NUDCD3: variants seen among roughly 807,000 people sequenced by gnomAD.
The protein encoded by NUDCD3 is nudC domain-containing protein 3.
NUDCD3 carries 13 observed loss-of-function variants against 39.7 expected under a neutral mutation model. The observed-to-expected ratio is 0.33, with a 90% confidence interval of 0.21 to 0.52. The LOEUF is 0.52. Among genes scored for constraint, NUDCD3 ranks in the 20% least tolerant of loss-of-function variants. The pLI, the probability that NUDCD3 is intolerant of heterozygous loss-of-function variation, is 0.96. For missense variants in NUDCD3, 453 were observed against 458.1 expected (o/e 0.99, Z 0.10); for synonymous variants, 175 against 172.4 (o/e 1.02, Z -0.12).
intron 3 of NUDCD3, 85 bp from the exon 4 acceptor site, chr7:44,404,668 G>C (rs1028167662): frequency 1.4e-6 from 2 of 1,452,126 alleles, no homozygotes; most frequent in Non-Finnish European, 1.9e-6. Context: ...TGGTTTCCAA[G>C]GTACCTGACT....
At chr7:44,387,145 C>T (rs1798415729) in intron 5 of NUDCD3, among the ~76,000 whole-genome samples, 1 of 152,158 alleles carries the variant, frequency 6.6e-6, no homozygotes, top group Non-Finnish European at 1.5e-5. Context: ...ATCTTCCTAA[C>T]AAGAGGGTTT....
intron 2 of NUDCD3, among the ~76,000 whole-genome samples, chr7:44,431,668 CTT>C (rs755819096): frequency 7.7e-4 from 93 of 120,820 alleles, no homozygotes; most frequent in African/African-American, 2.6e-3. Context: ...TCTCTCCTTC[CTT>C]TTTTTTTTTT....
intron 2 of NUDCD3, among the ~76,000 whole-genome samples, chr7:44,430,457 T>C (rs1022230739): frequency 6.6e-6 from 1 of 152,154 alleles, no homozygotes; most frequent in South Asian, 2.1e-4. Context: ...CAGCTACCTT[T>C]ATGGCTGGAA....
intron 2 of NUDCD3, among the ~76,000 whole-genome samples, chr7:44,466,759 A>C (rs1472245861): frequency 6.6e-6 from 1 of 152,228 alleles, no homozygotes; most frequent in East Asian, 1.9e-4. Flanking sequence ...GGGAAGCTCT[A>C]GCAGCAGCAG....
intron 4 of NUDCD3, 69 bp downstream of exon 4, chr7:44,404,371 G>C: frequency 6.7e-7 from 1 of 1,491,372 alleles, no homozygotes; most frequent in Non-Finnish European, 9.3e-7. Flanking sequence ...TAGGCTTGTT[G>C]GTCAAAAGGG....
intron 2 of NUDCD3, among the ~76,000 whole-genome samples, chr7:44,437,439 T>C (rs1242832393): frequency 6.6e-6 from 1 of 152,214 alleles, no homozygotes; most frequent in African/African-American, 2.4e-5. Context: ...GAAGTTCGTC[T>C]ATGTTGATGT....
intron 3 of NUDCD3, among the ~76,000 whole-genome samples, chr7:44,412,796 A>G (rs1428536104): frequency 1.3e-5 from 2 of 152,064 alleles, no homozygotes; most frequent in East Asian, 3.9e-4. Flanking sequence ...GCGTAGTGGC[A>G]GGCGCCTGTA....
At chr7:44,406,373 C>T (rs1480668933) in intron 3 of NUDCD3, among the ~76,000 whole-genome samples, 1 of 152,226 alleles carries the variant, frequency 6.6e-6, no homozygotes, top group African/African-American at 2.4e-5. Flanking sequence ...TACCTTCTAA[C>T]ACCATGAGGA....
At chr7:44,442,408 T>G (rs890451038) in intron 2 of NUDCD3, among the ~76,000 whole-genome samples, 1 of 152,106 alleles carries the variant, frequency 6.6e-6, no homozygotes, top group Non-Finnish European at 1.5e-5. Flanking sequence ...CAGGGGCTGT[T>G]TGGGGGCACC....
chr7:44,490,232 G>A (rs1474923368), intron 1 of NUDCD3, 177 bp downstream of exon 1: 1 of 631,726 alleles, frequency 1.6e-6, no homozygotes, highest in Non-Finnish European at 2.6e-6. Context: ...GAACACCTCA[G>A]CGGAATAAGC....
At chr7:44,432,807 G>C (rs1476682488) in intron 2 of NUDCD3, among the ~76,000 whole-genome samples, 1 of 152,168 alleles carries the variant, frequency 6.6e-6, no homozygotes, top group Non-Finnish European at 1.5e-5. Context: ...CATTATCCCA[G>C]GTGTAAGAGC....
intron 2 of NUDCD3, among the ~76,000 whole-genome samples, chr7:44,459,029 T>C (rs1249747654): frequency 6.6e-6 from 1 of 151,482 alleles, no homozygotes; most frequent in African/African-American, 2.4e-5. Flanking sequence ...TGGAGAAAGG[T>C]GTGCAAGGAC....
At chr7:44,398,743 T>C (rs546651791) in intron 4 of NUDCD3, among the ~76,000 whole-genome samples, 1 of 152,284 alleles carries the variant, frequency 6.6e-6, no homozygotes, top group South Asian at 2.1e-4. Context: ...TGATCGAGAC[T>C]GGGCCAATGA....
intron 2 of NUDCD3, among the ~76,000 whole-genome samples, chr7:44,435,333 A>T (rs1450956349): frequency 6.6e-6 from 1 of 152,170 alleles, no homozygotes; most frequent in Non-Finnish European, 1.5e-5. Context: ...CGTCTTCCTT[A>T]CAAGTGGGGA....
chr7:44,414,767 T>A (rs1798990633), intron 3 of NUDCD3, among the ~76,000 whole-genome samples: 1 of 152,260 alleles, frequency 6.6e-6, no homozygotes, highest in Non-Finnish European at 1.5e-5. Context: ...AACGTTTTCC[T>A]GCATTTTTTC....
At chr7:44,452,878 C>A (rs1286412775) in intron 2 of NUDCD3, among the ~76,000 whole-genome samples, 1 of 152,204 alleles carries the variant, frequency 6.6e-6, no homozygotes, top group Non-Finnish European at 1.5e-5. Flanking sequence ...TGCTATTATG[C>A]TTTAAAAGTC....
chr7:44,380,596 G>A lies in NUDCD3; in HGVS notation c.*5415C>T, dbSNP rs560773759. ...TGCCTTGGGATTTGCCTGCAGGCTA[G>A]GCACACCTGGTAAATGAGGTCTCCA... On this transcript the variant is annotated 3_prime_UTR_variant, in exon 6 of 6. Coordinates refer to ENST00000355451, the MANE Select transcript of NUDCD3 (RefSeq NM_015332.4). 1.3e-5 allele frequency: 2 copies of A among 152,320 alleles called. No homozygotes were observed. Among genetic ancestry groups the A allele is most frequent in the Admixed American group, 6.5e-5 (1 of 15,302 alleles). 9.4% of individuals were successfully genotyped at this position (152,320 alleles called of 1,614,324 possible).
intron 3 of NUDCD3, among the ~76,000 whole-genome samples, chr7:44,424,164 A>T (rs1158887632): frequency 3.3e-5 from 5 of 152,230 alleles, no homozygotes; most frequent in Non-Finnish European, 2.9e-5. Flanking sequence ...TAAAGACTTA[A>T]ACATAAAACC....
rs947433111 is a variant in NUDCD3, at chr7:44,404,767, T to G, written c.643-184A>C. On this transcript the variant is annotated intron_variant, in intron 3 of 5. Transcript: ENST00000355451. ...ATTTATACCTAGAGCAACCTGAAGA[T>G]GTCAGCTCATTTAGTAAATCCACCA... Among the ~76,000 whole-genome samples, 74 of 43,016 alleles carry G rather than the reference T, an allele frequency of 1.7e-3. 1 individual carries two copies. Among genetic ancestry groups the G allele is most frequent in the African/African-American group, 7.3e-3 (72 of 9,906 alleles). 28.2% of individuals were successfully genotyped at this position (43,016 alleles called of 152,430 possible).
Sources: allele counts gnomAD v4.1 joint callset (sites outside exome capture counted in the v4.1 genomes callset), GRCh38; gene constraint gnomAD v4.1.1; transcripts MANE v1.5; gene names NCBI Gene and HGNC (gene_info 2026-07-23, HGNC 2026-07-21).